The following LSAMP variants were observed in gnomAD, a reference collection of about 807,000 sequenced individuals.
LSAMP encodes limbic system associated membrane protein, also known as limbic system-associated membrane protein.
Under a neutral mutation model 38.6 loss-of-function variants are expected in LSAMP, and 7 were observed. That is an observed-to-expected ratio of 0.18 (90% confidence interval 0.10 to 0.34). The LOEUF (loss-of-function observed/expected upper bound fraction) is 0.34, where lower values mean the gene tolerates loss of function less well. Among genes scored for constraint, LSAMP ranks in the 10% least tolerant of loss-of-function variants. The probability of loss-of-function intolerance (pLI) is 1.00; values close to 1 mark genes in which losing one functional copy is unlikely to be tolerated. For synonymous variants in LSAMP, 154 were observed against 166.8 expected (o/e 0.92, Z 0.59); for missense variants, 313 against 420.0 (o/e 0.75, Z 2.23).
intron 2 of LSAMP, among the ~76,000 whole-genome samples, chr3:116,073,935 T>C (rs1707671456): frequency 6.6e-6 from 1 of 152,202 alleles, no homozygotes; most frequent in African/African-American, 2.4e-5. Flanking sequence ...ATAAGAATTA[T>C]GCCAAAAATC....
At chr3:115,924,490 C>T (rs1233169094) in intron 3 of LSAMP, among the ~76,000 whole-genome samples, 1 of 152,126 alleles carries the variant, frequency 6.6e-6, no homozygotes, top group South Asian at 2.1e-4. Context: ...AAATATTGTC[C>T]AAATGTTGCC....
chr3:115,960,986 A>C (rs1314271509), intron 3 of LSAMP, among the ~76,000 whole-genome samples: 2 of 152,002 alleles, frequency 1.3e-5, no homozygotes, highest in East Asian at 3.9e-4. Flanking sequence ...ATCCTCCCAC[A>C]CGCCCAACTT....
chr3:116,396,411 C>T (rs146698146), intron 1 of LSAMP, among the ~76,000 whole-genome samples: 2,991 of 152,256 alleles, frequency 0.02, 53 homozygotes, highest in Non-Finnish European at 0.03. Context: ...CCATTTCAAA[C>T]CCCATCTTCT....
intron 1 of LSAMP, among the ~76,000 whole-genome samples, chr3:116,208,659 C>T (rs558691446): frequency 2.5e-4 from 38 of 152,150 alleles, no homozygotes; most frequent in Middle Eastern, 3.4e-3. Context: ...AATACCCTGC[C>T]GTGTGAGGTG....
chr3:116,397,248 A>T (rs1257353521), intron 1 of LSAMP, among the ~76,000 whole-genome samples: 6 of 151,902 alleles, frequency 3.9e-5, no homozygotes, highest in Admixed American at 2.0e-4. Context: ...CACTCACTCC[A>T]CTTTAGACAT....
chr3:116,059,706 A>G (rs1421715669), intron 2 of LSAMP, among the ~76,000 whole-genome samples: 1 of 152,146 alleles, frequency 6.6e-6, no homozygotes, highest in African/African-American at 2.4e-5. Context: ...AGCAGATACA[A>G]ATGAGCTCTT....
chr3:115,986,375 T>A (rs543272214), intron 3 of LSAMP, among the ~76,000 whole-genome samples: 115 of 152,226 alleles, frequency 7.6e-4, no homozygotes, highest in South Asian at 2.1e-4. Flanking sequence ...GCAAATAGAT[T>A]AGAAGCCTAC....
rs1933588013 is a variant in LSAMP at position 115,804,574 on chromosome 3, C to T, written c.*5743G>A. 6.6e-6 allele frequency: 1 copy of T among 152,200 alleles called. No homozygotes were observed. The allele number at this position is 152,200 out of a possible 1,614,324, so 9.4% of individuals were successfully genotyped here. ...ACAGGCACATGAGCCCTTAAAACTCCTTCCTGTTTTTTTTCTTTTTTTTTC... is the reference window on the plus strand; with the variant it reads ...ACAGGCACATGAGCCCTTAAAACTCTTTCCTGTTTTTTTTCTTTTTTTTTC... On this transcript the variant is annotated 3_prime_UTR_variant, in exon 7 of 7. Coordinates refer to ENST00000490035, the MANE Select transcript of LSAMP (RefSeq NM_002338.5).
chr3:116,373,233 G>GCA (rs1173673951), intron 1 of LSAMP, among the ~76,000 whole-genome samples: 3 of 150,442 alleles, frequency 2.0e-5, no homozygotes, highest in Non-Finnish European at 4.5e-5. Flanking sequence ...ATATATATAT[G>GCA]CACACACACA....
intron 1 of LSAMP, among the ~76,000 whole-genome samples, chr3:116,141,793 A>C (rs2107516031): frequency 6.6e-6 from 1 of 152,136 alleles, no homozygotes; most frequent in East Asian, 1.9e-4. Context: ...TTTCAGAATC[A>C]TACAACCTTT....
intron 4 of LSAMP, among the ~76,000 whole-genome samples, chr3:115,845,311 ATT>A: frequency 6.6e-6 from 1 of 152,302 alleles, no homozygotes; most frequent in Admixed American, 6.5e-5. Flanking sequence ...GCTGAAGATA[ATT>A]TTGCTTATGA....
chr3:116,390,132 TACAC>T (rs10661312), intron 1 of LSAMP, among the ~76,000 whole-genome samples: 9,102 of 147,300 alleles, frequency 0.062, 791 homozygotes, highest in African/African-American at 0.19. Flanking sequence ...TATGTATGTA[TACAC>T]ACACACACAC....
intron 1 of LSAMP, among the ~76,000 whole-genome samples, chr3:116,185,890 GA>G: frequency 1.1e-5 from 1 of 94,894 alleles, no homozygotes; most frequent in East Asian, 3.1e-4. Context: ...GGAGGAAAAA[GA>G]AGCAAAAAAA....
At chr3:116,144,903 A>G (rs1025268218) in intron 1 of LSAMP, among the ~76,000 whole-genome samples, 19 of 152,086 alleles carry the variant, frequency 1.2e-4, no homozygotes, top group African/African-American at 4.3e-4. Context: ...ATGTAAAATA[A>G]TATAGTTGGT....
chr3:116,195,234 CTCTAATTG>C (rs1458270435), intron 1 of LSAMP, among the ~76,000 whole-genome samples: 1 of 152,176 alleles, frequency 6.6e-6, no homozygotes, highest in Non-Finnish European at 1.5e-5. Context: ...ACTCACTGCC[CTCTAATTG>C]GCTTTTCAAA....
chr3:115,811,549 A>G (rs923868894), intron 6 of LSAMP, among the ~76,000 whole-genome samples: 1 of 145,976 alleles, frequency 6.9e-6, no homozygotes, highest in African/African-American at 2.7e-5. Context: ...GCGTATGCAG[A>G]TGGATTATGT....
At chr3:116,314,753 A>G (rs1317599274) in intron 1 of LSAMP, among the ~76,000 whole-genome samples, 1 of 152,158 alleles carries the variant, frequency 6.6e-6, no homozygotes, top group Non-Finnish European at 1.5e-5. Context: ...TGCTATTTTT[A>G]GAGCTGTCAA....
chr3:116,213,236 A>G (rs1164539042), intron 1 of LSAMP, among the ~76,000 whole-genome samples: 1 of 152,190 alleles, frequency 6.6e-6, no homozygotes, highest in Non-Finnish European at 1.5e-5. Flanking sequence ...CTCATATTGA[A>G]TGCCCATATG....
At chr3:116,238,411 T>C (rs2046492001) in intron 1 of LSAMP, among the ~76,000 whole-genome samples, 1 of 152,182 alleles carries the variant, frequency 6.6e-6, no homozygotes, top group Non-Finnish European at 1.5e-5. Context: ...TTTTCAAATG[T>C]TTAAATATTC....
Sources: gnomAD v4.1 joint callset for allele counts (sites outside exome capture counted in the v4.1 genomes callset) on GRCh38, gnomAD v4.1.1 for gene constraint, MANE v1.5 for transcripts, NCBI Gene and HGNC (gene_info 2026-07-23, HGNC 2026-07-21) for gene names.